CREBBP: variants seen among roughly 807,000 people sequenced by gnomAD.
The protein encoded by CREBBP is CREB binding lysine acetyltransferase.
CREBBP carries 19 observed loss-of-function variants against 265.0 expected under a neutral mutation model. The ratio of observed to expected loss-of-function variants is 0.07; its 90% CI spans 0.05 to 0.11. The LOEUF (loss-of-function observed/expected upper bound fraction) is 0.11. Ranked by LOEUF, CREBBP falls within the 10% of genes least tolerant of loss-of-function variation. The pLI, the probability that CREBBP is intolerant of heterozygous loss-of-function variation, is 1.00. For missense variants in CREBBP, 2,525 were observed against 3,219.0 expected, an observed-to-expected ratio of 0.78 and a Z score of 5.22; for synonymous variants, 1,457 against 1,223.7, an observed-to-expected ratio of 1.19 and a Z score of -3.98.
At chr16:3,829,991 T>C (rs2054311092) in intron 2 of CREBBP, among the ~76,000 whole-genome samples, 1 of 152,066 alleles carries the variant, frequency 6.6e-6, no homozygotes, top group Non-Finnish European at 1.5e-5. Context: ...CCAACAATTA[T>C]CAACATTAAA....
intron 3 of CREBBP, among the ~76,000 whole-genome samples, chr16:3,808,876 T>C (rs572855765): frequency 6.6e-6 from 1 of 152,134 alleles, no homozygotes; most frequent in East Asian, 1.9e-4. Flanking sequence ...GTCCTTTCGG[T>C]GAGGACTGGA....
Position 3,793,435 on chromosome 16 carries a change from T to C in CREBBP, c.1167A>G (p.Lys389=). The C allele has an allele frequency of 1.2e-6, 2 of 1,614,170 alleles. No individual in the cohort carries two copies. Among genetic ancestry groups the C allele is most frequent in the Non-Finnish European group, 1.7e-6 (2 of 1,180,028 alleles). Residue 389 remains lysine, a synonymous_variant, in exon 4 of 31, where the codon AAA becomes AAG. Transcript: ENST00000262367. ...AATGCGTCATGTGATTCAAAACGTT[T>C]TTCATGGTTCGACAATGCGGGAGCG... ...ACSLPHCRTM[K]NVLNHMTHCQ... is the part of the protein sequence containing the mutation.
chr16:3,745,364 A>G lies in CREBBP; in HGVS notation c.3837-10T>C. On this transcript the variant is annotated splice_polypyrimidine_tract_variant and intron_variant, in intron 21 of 30. Coordinates refer to ENST00000262367, the MANE Select transcript of CREBBP (RefSeq NM_004380.3). ...CTTGCAATCAACGAAACTAGGAGGC[A>G]AAGAAGGCGCACTGTTAAAGCACAC... The G allele has an allele frequency of 6.2e-7, 1 of 1,613,702 alleles. No individual in the cohort carries two copies.
chr16:3,860,049 T>C (rs2055041687), intron 1 of CREBBP, among the ~76,000 whole-genome samples: 1 of 152,172 alleles, frequency 6.6e-6, no homozygotes, highest in African/African-American at 2.4e-5. Context: ...GACTGAGCCC[T>C]CAACCGTGGG....
rs748447855 is a variant in CREBBP, at chr16:3,782,748, C to A, written c.1509G>T (p.Gln503His). ...GCTGTGCTGGTTGCTGGCCAGGAAC[C>A]TGAGGCTGCAGCTGCGTCTGGGGCT... ...MNQPQTQLQPQVPGQQPAQPQ... is the reference protein window; with the variant it reads ...MNQPQTQLQPHVPGQQPAQPQ... The change falls in exon 6 of 31, where the codon CAG becomes CAT. Residue 503 changes from glutamine to histidine, a missense_variant. By Grantham distance (24) the Gln-to-His change is conservative. Around this residue, in one of 19 missense-constraint regions of CREBBP, gnomAD observed 144 missense variants for 134.0 expected, o/e 1.07. Transcript: ENST00000262367. 8.7e-6 allele frequency: 14 copies of A among 1,614,050 alleles called. No individual in the cohort carries two copies. In the South Asian group the frequency reaches 1.4e-4, roughly 16 times the overall value.
intron 2 of CREBBP, among the ~76,000 whole-genome samples, 165 bp downstream of exon 2, chr16:3,850,132 G>C (rs544163843): frequency 5.3e-5 from 8 of 152,330 alleles, no homozygotes; most frequent in African/African-American, 1.9e-4. Flanking sequence ...AAATGGGGCA[G>C]AGATCTTTAT....
chr16:3,845,683 C>T (rs1020642967), intron 2 of CREBBP, among the ~76,000 whole-genome samples: 1 of 151,878 alleles, frequency 6.6e-6, no homozygotes, highest in African/African-American at 2.4e-5. Flanking sequence ...CTCAGGAGTT[C>T]AGGACCAGCC....
intron 27 of CREBBP, 141 bp from the exon 28 acceptor site, chr16:3,736,344 G>C: frequency 1.1e-6 from 1 of 910,734 alleles, no homozygotes; most frequent in Non-Finnish European, 1.7e-6. Flanking sequence ...CCACAGTGCA[G>C]CAGACCCCCA....
intron 1 of CREBBP, among the ~76,000 whole-genome samples, chr16:3,867,975 A>C (rs986638636): frequency 2.0e-5 from 3 of 152,146 alleles, no homozygotes; most frequent in Non-Finnish European, 4.4e-5. Flanking sequence ...CTGCATTTCT[A>C]ATACTAACAT....
intron 3 of CREBBP, among the ~76,000 whole-genome samples, chr16:3,806,797 C>G (rs1025628418): frequency 6.6e-6 from 1 of 152,134 alleles, no homozygotes; most frequent in Non-Finnish European, 1.5e-5. Context: ...CCTGCTCAAC[C>G]CCCAACTTCC....
intron 16 of CREBBP, chr16:3,761,422 A>G (rs543657326): frequency 3.8e-4 from 167 of 442,718 alleles, no homozygotes; most frequent in Non-Finnish European, 5.8e-5. Flanking sequence ...CAAATTCTGG[A>G]AAGCGTCATC....
chr16:3,744,599 C>T (rs1162517296), intron 23 of CREBBP, among the ~76,000 whole-genome samples: 1 of 152,182 alleles, frequency 6.6e-6, no homozygotes, highest in Non-Finnish European at 1.5e-5. Flanking sequence ...GCTCAGCAGC[C>T]CCGTGGCTGA....
intron 1 of CREBBP, among the ~76,000 whole-genome samples, chr16:3,851,461 TAA>T (rs1295766071): frequency 3.3e-5 from 5 of 151,938 alleles, no homozygotes; most frequent in African/African-American, 9.7e-5. Flanking sequence ...AAACAATAAT[TAA>T]ATAGTGTGGT....
intron 1 of CREBBP, among the ~76,000 whole-genome samples, chr16:3,878,469 G>T (rs1022669392): frequency 2.3e-4 from 35 of 152,154 alleles, no homozygotes; most frequent in African/African-American, 8.2e-4. Context: ...CCTTATGATT[G>T]ATCTTTAAAA....
chr16:3,737,419 C>G (rs1186251320), intron 26 of CREBBP, among the ~76,000 whole-genome samples: 2 of 151,230 alleles, frequency 1.3e-5, no homozygotes, highest in South Asian at 2.1e-4. Context: ...GAAGGTTTAA[C>G]AGCAAGGGGC....
rs945676155 is a variant in CREBBP, at chr16:3,731,456, G to A, written c.4908C>T (p.His1636=). Residue 1636 remains histidine, a synonymous_variant, in exon 30 of 31, where the codon CAC becomes CAT. Coordinates refer to ENST00000262367, the MANE Select transcript of CREBBP (RefSeq NM_004380.3). This position sits in a 1 kb window ranked among gnomAD's most constrained non-coding sequence, Gnocchi z 7.7. ...EKHKEVFFVI[H]LHAGPVINTL... is the part of the protein sequence containing the mutation. Reference sequence around the variant, plus strand: ...TGTTGATGACAGGCCCAGCGTGCAGGTGGATCACGAAGAAGACCTGCAGGA... The same window carrying A: ...TGTTGATGACAGGCCCAGCGTGCAGATGGATCACGAAGAAGACCTGCAGGA... 4 of 1,591,744 alleles carry A rather than the reference G, an allele frequency of 2.5e-6. No individual in the cohort carries two copies. Among genetic ancestry groups the A allele is most frequent in the African/African-American group, 2.7e-5 (2 of 74,784 alleles).
At chr16:3,782,561 T>G in intron 6 of CREBBP, 123 bp downstream of exon 6, 1 of 1,326,424 alleles carries the variant, frequency 7.5e-7, no homozygotes, top group Non-Finnish European at 1.0e-6. Context: ...CTGGGAGATT[T>G]TTTATTTCAA....
intron 1 of CREBBP, among the ~76,000 whole-genome samples, chr16:3,860,110 T>C (rs2055043294): frequency 6.6e-6 from 1 of 152,180 alleles, no homozygotes; most frequent in South Asian, 2.1e-4. Context: ...ACCGAGTGCC[T>C]ACTCGGTGTG....
chr16:3,847,157 G>A lies in CREBBP; in HGVS notation c.798+3140C>T, dbSNP rs560879196. On this transcript the variant is annotated intron_variant, in intron 2 of 30. Coordinates refer to ENST00000262367, the MANE Select transcript of CREBBP (RefSeq NM_004380.3). ...CTATCAGTAAGAAAAAAAAATCTCT[G>A]TGCAGTGTCACAGAGGCCATCTAAG... is the stretch of plus-strand genomic sequence containing the variant. 4.6e-5 allele frequency among the ~76,000 whole-genome samples: 7 copies of A among 152,222 alleles called. No individual in the cohort carries two copies. The East Asian group carries it at 9.6e-4, about 21-fold the overall frequency.
Sources: allele counts gnomAD v4.1 joint callset (sites outside exome capture counted in the v4.1 genomes callset), GRCh38; gene constraint gnomAD v4.1.1; regional missense constraint gnomAD v4.1.1; non-coding constraint Gnocchi (gnomAD v3.1); transcripts MANE v1.5; gene names NCBI Gene and HGNC (gene_info 2026-07-23, HGNC 2026-07-21).